ADAM12: variants seen among roughly 807,000 people sequenced by gnomAD.
ADAM12 encodes the protein ADAM metallopeptidase domain 12.
Under a neutral mutation model 106.4 loss-of-function variants are expected in ADAM12, and 70 were observed. The observed-to-expected ratio is 0.66, with a 90% CI of 0.54 to 0.80. ADAM12 has a LOEUF of 0.80. Ranked by LOEUF, ADAM12 falls within the 30% of genes least tolerant of loss-of-function variation. The pLI is 0.00. For synonymous variants in ADAM12, 420 were observed against 433.5 expected (o/e 0.97, Z 0.39); for missense variants, 1,010 against 1,171.9 (o/e 0.86, Z 2.02).
At chr10:126,264,305 C>A (rs17684713) in intron 3 of ADAM12, among the ~76,000 whole-genome samples, 19,552 of 152,204 alleles carry the variant, frequency 0.13, 1,594 homozygotes, top group Non-Finnish European at 0.18. Context: ...ACGAAACTGA[C>A]CAACAAAATC....
intron 6 of ADAM12, among the ~76,000 whole-genome samples, chr10:126,114,916 T>C (rs1362392598): frequency 2.0e-5 from 3 of 152,242 alleles, no homozygotes; most frequent in African/African-American, 7.2e-5. Flanking sequence ...CAGTTCCTGA[T>C]ATTCAACTCT....
At chr10:126,096,640 A>G (rs1190554708) in intron 10 of ADAM12, among the ~76,000 whole-genome samples, 5 of 152,260 alleles carry the variant, frequency 3.3e-5, no homozygotes. Context: ...GTAACTTTAC[A>G]GACACAGGAG....
intron 14 of ADAM12, among the ~76,000 whole-genome samples, chr10:126,060,432 T>C (rs1448030307): frequency 6.6e-6 from 1 of 152,166 alleles, no homozygotes; most frequent in Non-Finnish European, 1.5e-5. Flanking sequence ...GCAAGGTCAC[T>C]GGGGTGCAAA....
chr10:126,221,372 AG>A (rs1304090160), intron 3 of ADAM12, among the ~76,000 whole-genome samples: 7 of 143,440 alleles, frequency 4.9e-5, no homozygotes, highest in Non-Finnish European at 1.5e-5. Flanking sequence ...CCTGGGCAAC[AG>A]AGCAAGACTC....
chr10:126,039,373 C>T lies in ADAM12; in HGVS notation c.2161G>A (p.Gly721Arg), dbSNP rs151328599. ...LVTILCLLAAGFVVYLKRKTL... is the reference protein window; with the variant it reads ...LVTILCLLAARFVVYLKRKTL... Reference sequence around the variant, plus strand: ...TTCCTTTTGAGATAAACCACAAATCCGGCAGCAAGAAGACACAGGATGGTC... The same window carrying T: ...TTCCTTTTGAGATAAACCACAAATCTGGCAGCAAGAAGACACAGGATGGTC... Residue 721 changes from glycine to arginine, a missense_variant, in exon 19 of 23, where the codon GGA becomes AGA. Gly to Arg is a moderately radical substitution (Grantham distance 125, BLOSUM62 -2). Around this residue, in one of 3 missense-constraint regions of ADAM12, gnomAD observed 615 missense variants for 708.5 expected, o/e 0.87. Transcript: ENST00000448723. 1.1e-4 allele frequency: 185 copies of T among 1,613,902 alleles called. No homozygotes were observed. Among genetic ancestry groups the T allele is most frequent in the Non-Finnish European group, 1.5e-4 (175 of 1,179,988 alleles).
In ADAM12 at chr10:126,163,250, C is replaced by T. The variant is rs1956967541; in HGVS notation, c.261-7945G>A. ...GCAAGAATGTCCTAATCCAGCCATG[C>T]TCAGTGCTGAGAGCTGTTCTCTTTC... On this transcript the variant is annotated intron_variant, in intron 3 of 22. Transcript: ENST00000448723. 2.0e-5 allele frequency among the ~76,000 whole-genome samples: 3 copies of T among 152,206 alleles called. 1 individual carries two copies. In the South Asian group the frequency reaches 6.2e-4, roughly 32 times the overall value.
chr10:126,362,311 A>G (rs1855769437), intron 1 of ADAM12, among the ~76,000 whole-genome samples: 1 of 152,234 alleles, frequency 6.6e-6, no homozygotes, highest in South Asian at 2.1e-4. Context: ...GATGTGAAGA[A>G]AAGAAAACAC....
At chr10:126,056,366 G>T (rs547647630) in intron 14 of ADAM12, among the ~76,000 whole-genome samples, 1 of 152,152 alleles carries the variant, frequency 6.6e-6, no homozygotes, top group Non-Finnish European at 1.5e-5. Flanking sequence ...ATGTAAACAC[G>T]GGGATAGGAC....
rs1457433187 is a variant in ADAM12 at position 126,143,347 on chromosome 10, ATG to A, written c.340-7689_340-7688del. On this transcript the variant is annotated intron_variant, in intron 4 of 22. Transcript: ENST00000448723. ...GGTGTGCACATGTGTATATGTGTGC[ATG>A]TGTGTATATATACATGTGTATATGC... is the stretch of plus-strand genomic sequence containing the variant. Among the ~76,000 whole-genome samples the A allele has an allele frequency of 1.5e-3, 219 of 144,596 alleles. 1 individual carries two copies. The highest frequency in any genetic ancestry group is 5.4e-3 in the African/African-American group (208 of 38,202). The allele number at this position is 144,596 out of a possible 152,430, so 94.9% of individuals were successfully genotyped here. A position where few individuals can be genotyped will look rare whatever the true frequency, so the allele number is the denominator to read the frequency against.
chr10:126,039,543 G>A lies in ADAM12; in HGVS notation c.2105-114C>T, dbSNP rs538340779. 6.4e-4 allele frequency: 836 copies of A among 1,296,382 alleles called. 19 individuals carry two copies. The South Asian group carries it at 9.9e-3, about 15-fold the overall frequency. 80.3% of individuals were successfully genotyped at this position (1,296,382 alleles called of 1,614,324 possible). A position where few individuals can be genotyped will look rare whatever the true frequency, so the allele number is the denominator to read the frequency against. On this transcript the variant is annotated intron_variant, in intron 18 of 22. Coordinates refer to ENST00000448723, the MANE Select transcript of ADAM12 (RefSeq NM_001288973.2). Reference sequence around the variant, plus strand: ...CTCTGAAGCAACAGAAATGAAGAGAGTACACCCGTGAGTGATGTACTAATA... The same window carrying A: ...CTCTGAAGCAACAGAAATGAAGAGAATACACCCGTGAGTGATGTACTAATA...
intron 2 of ADAM12, among the ~76,000 whole-genome samples, chr10:126,299,348 A>G (rs1960516835): frequency 6.6e-6 from 1 of 152,038 alleles, no homozygotes; most frequent in Non-Finnish European, 1.5e-5. Flanking sequence ...CTTTTCTCTC[A>G]TTTTTTCAAC....
At chr10:126,347,684 G>A (rs1488465236) in intron 1 of ADAM12, among the ~76,000 whole-genome samples, 1 of 152,128 alleles carries the variant, frequency 6.6e-6, no homozygotes, top group Non-Finnish European at 1.5e-5. Flanking sequence ...CACTGAAATT[G>A]AGCCTTTTCA....
At chr10:126,373,532 G>A (rs748875823) in intron 1 of ADAM12, among the ~76,000 whole-genome samples, 6 of 152,178 alleles carry the variant, frequency 3.9e-5, no homozygotes, top group Non-Finnish European at 7.3e-5. Context: ...ACATTTTTAT[G>A]ATCCACTCGC....
chr10:126,331,947 C>T (rs1854526700), intron 1 of ADAM12, among the ~76,000 whole-genome samples: 1 of 152,176 alleles, frequency 6.6e-6, no homozygotes, highest in Non-Finnish European at 1.5e-5. Context: ...CTCCTGGCTG[C>T]AAGGGTGCAA....
At chr10:126,253,006 C>G (rs1021350016) in intron 3 of ADAM12, among the ~76,000 whole-genome samples, 1 of 152,152 alleles carries the variant, frequency 6.6e-6, no homozygotes, top group Non-Finnish European at 1.5e-5. Flanking sequence ...TATGTGCTCT[C>G]GAAACCCTGA....
At chr10:126,370,193 A>C (rs1856061768) in intron 1 of ADAM12, among the ~76,000 whole-genome samples, 1 of 152,188 alleles carries the variant, frequency 6.6e-6, no homozygotes, top group Non-Finnish European at 1.5e-5. Context: ...AAGAAGCTGA[A>C]TTAGAGGACC....
chr10:126,030,682 C>T (rs1953957007), intron 21 of ADAM12, among the ~76,000 whole-genome samples: 1 of 152,164 alleles, frequency 6.6e-6, no homozygotes, highest in Non-Finnish European at 1.5e-5. Flanking sequence ...GATCATGCTT[C>T]CGTGGATAAC....
At chr10:126,057,664 G>A (rs2133460647) in intron 14 of ADAM12, among the ~76,000 whole-genome samples, 1 of 152,328 alleles carries the variant, frequency 6.6e-6, no homozygotes, top group African/African-American at 2.4e-5. Context: ...GGAGCTGCCA[G>A]CTAGTGGTCG....
rs780939245 is a variant in ADAM12, at chr10:126,263,159, C to T, written c.260+15756G>A. On this transcript the variant is annotated intron_variant, in intron 3 of 22. Coordinates refer to ENST00000448723, the MANE Select transcript of ADAM12 (RefSeq NM_001288973.2). ...ATGCCACATGCCCTGCATGATTCCT[C>T]ATCTAGTGTTGTAAGCATGATTTCT... 7.2e-5 allele frequency among the ~76,000 whole-genome samples: 11 copies of T among 152,170 alleles called. 1 individual carries two copies. The highest frequency in any genetic ancestry group is 1.5e-4 in the Non-Finnish European group (10 of 68,028).
Sources: gnomAD v4.1 joint callset for allele counts (sites outside exome capture counted in the v4.1 genomes callset) on GRCh38, gnomAD v4.1.1 for gene constraint, gnomAD v4.1.1 regional missense constraint, MANE v1.5 for transcripts, NCBI Gene and HGNC (gene_info 2026-07-23, HGNC 2026-07-21) for gene names.